CSMD2: variants seen among roughly 807,000 people sequenced by gnomAD.
The protein encoded by CSMD2 is CUB and Sushi multiple domains 2.
CSMD2 carries 130 observed loss-of-function variants against 398.5 expected under a neutral mutation model. That is an observed-to-expected ratio of 0.33 (90% CI 0.28 to 0.38). The LOEUF (loss-of-function observed/expected upper bound fraction) is 0.38. Among genes scored for constraint, CSMD2 ranks in the 10% least tolerant of loss-of-function variants. The probability of loss-of-function intolerance (pLI) is 1.00; values close to 1 mark genes in which losing one functional copy is unlikely to be tolerated. For synonymous variants in CSMD2, 1,828 were observed against 1,908.5 expected, an observed-to-expected ratio of 0.96 and a Z score of 1.10; for missense variants, 3,829 against 4,764.9, an observed-to-expected ratio of 0.80 and a Z score of 5.78.
Position 33,709,083 on chromosome 1 carries a change from T to C in CSMD2, c.3576+6A>G. On this transcript the variant is annotated splice_donor_region_variant and intron_variant, in intron 22 of 70. Transcript: ENST00000373381. ...ACACACATACTCTGAAATCGATCAA[T>C]TTTACCTTGAGGACATCTCCTTCGG... 6.2e-7 allele frequency: 1 copy of C among 1,608,786 alleles called. No homozygotes were observed. Among genetic ancestry groups the C allele is most frequent in the African/African-American group, 1.3e-5 (1 of 74,882 alleles).
At position 33,905,313 on chromosome 1, in the gene CSMD2, G is replaced by A. The variant is rs142001214; in HGVS notation, c.920+12781C>T. On this transcript the variant is annotated intron_variant, in intron 5 of 70. Coordinates refer to ENST00000373381, the MANE Select transcript of CSMD2 (RefSeq NM_001281956.2). ...CATAAAGGCTGGACAGAGAGTGGAC[G>A]TTGGAAGAAACAGCAAAACAGACTA... Among the ~76,000 whole-genome samples the A allele has an allele frequency of 3.9e-5, 6 of 152,286 alleles. No individual in the cohort carries two copies. The East Asian group carries it at 5.8e-4, about 15-fold the overall frequency.
At chr1:33,962,551 A>G (rs1264540352) in intron 3 of CSMD2, among the ~76,000 whole-genome samples, 1 of 152,180 alleles carries the variant, frequency 6.6e-6, no homozygotes, top group Non-Finnish European at 1.5e-5. Flanking sequence ...CTCTACTCCA[A>G]TGCCCCAACA....
chr1:33,823,327 C>G (rs1658382650), intron 7 of CSMD2, among the ~76,000 whole-genome samples: 1 of 152,140 alleles, frequency 6.6e-6, no homozygotes, highest in East Asian at 1.9e-4. Context: ...AGGAAACAAG[C>G]AAACTTAAAT....
At chr1:33,601,135 T>C in intron 43 of CSMD2, 125 bp from the exon 44 acceptor site, 1 of 1,242,962 alleles carries the variant, frequency 8.0e-7, no homozygotes, top group Non-Finnish European at 1.1e-6. Context: ...GTACCAACAC[T>C]TCCCCACACC....
At chr1:33,917,866 A>G (rs1643804500) in intron 5 of CSMD2, among the ~76,000 whole-genome samples, 1 of 152,240 alleles carries the variant, frequency 6.6e-6, no homozygotes, top group African/African-American at 2.4e-5. Flanking sequence ...AATCTTCAGC[A>G]AGAACATGTT....
intron 39 of CSMD2, among the ~76,000 whole-genome samples, chr1:33,615,282 C>T (rs1641310781): frequency 6.6e-6 from 1 of 152,122 alleles, no homozygotes; most frequent in East Asian, 1.9e-4. Flanking sequence ...GGCTGGGGCA[C>T]CCCTGCAGTC....
intron 12 of CSMD2, 72 bp from the exon 13 acceptor site, chr1:33,772,823 A>T: frequency 7.6e-7 from 1 of 1,316,252 alleles, no homozygotes; most frequent in Non-Finnish European, 1.1e-6. Flanking sequence ...GAAGGTCCAC[A>T]TGACAAGCTC....
intron 2 of CSMD2, among the ~76,000 whole-genome samples, chr1:34,067,925 C>A (rs1217836308): frequency 2.0e-5 from 3 of 152,178 alleles, no homozygotes; most frequent in Non-Finnish European, 2.9e-5. Context: ...ATTGGGGAGG[C>A]ACATCCCCAG....
At chr1:33,713,995 G>A (rs1571315046) in intron 21 of CSMD2, among the ~76,000 whole-genome samples, 1 of 152,146 alleles carries the variant, frequency 6.6e-6, no homozygotes, top group Non-Finnish European at 1.5e-5. Flanking sequence ...TCTCTGTTTT[G>A]TTCACCTTTG....
intron 64 of CSMD2, among the ~76,000 whole-genome samples, chr1:33,528,914 A>C (rs1655014088): frequency 6.6e-6 from 1 of 152,246 alleles, no homozygotes. Flanking sequence ...TCACATGTTC[A>C]TGGTTTGGAA....
At chr1:34,007,388 A>C (rs1488303763) in intron 3 of CSMD2, among the ~76,000 whole-genome samples, 1 of 152,212 alleles carries the variant, frequency 6.6e-6, no homozygotes, top group Non-Finnish European at 1.5e-5. Context: ...GGATATGGGC[A>C]ATCCCTCAAG....
intron 3 of CSMD2, among the ~76,000 whole-genome samples, chr1:33,978,740 C>A (rs779526315): frequency 2.0e-5 from 3 of 152,202 alleles, no homozygotes; most frequent in Non-Finnish European, 2.9e-5. Context: ...CTAGCCCTGG[C>A]ACAGACCCTT....
chr1:34,094,169 G>A (rs1056029435), intron 1 of CSMD2, among the ~76,000 whole-genome samples: 2 of 151,620 alleles, frequency 1.3e-5, no homozygotes, highest in African/African-American at 4.8e-5. Flanking sequence ...AGCTTCATAA[G>A]TGAAGGAGAA....
At chr1:33,542,568 T>C (rs907426566) in intron 58 of CSMD2, 152 bp downstream of exon 58, 12 of 626,516 alleles carry the variant, frequency 1.9e-5, no homozygotes, top group African/African-American at 1.5e-4. Flanking sequence ...ACATAGCATA[T>C]GCTCAACAGA....
At chr1:34,119,785 T>G (rs1661981012) in intron 1 of CSMD2, among the ~76,000 whole-genome samples, 2 of 152,206 alleles carry the variant, frequency 1.3e-5, no homozygotes, top group African/African-American at 4.8e-5. Context: ...TTGGTGAGGA[T>G]GTGCAGAAAC....
At chr1:33,763,283 G>A (rs1352935749) in intron 13 of CSMD2, among the ~76,000 whole-genome samples, 1 of 152,102 alleles carries the variant, frequency 6.6e-6, no homozygotes, top group East Asian at 1.9e-4. Context: ...CAAGCAACTG[G>A]CATACAGTAT....
At chr1:33,589,335 T>C (rs2148759134) in intron 44 of CSMD2, among the ~76,000 whole-genome samples, 2 of 152,284 alleles carry the variant, frequency 1.3e-5, no homozygotes, top group East Asian at 3.9e-4. Flanking sequence ...TATGGAGGGC[T>C]CACCCTGGGT....
intron 6 of CSMD2, among the ~76,000 whole-genome samples, chr1:33,833,961 T>C (rs1428674131): frequency 6.7e-6 from 1 of 149,904 alleles, no homozygotes; most frequent in Non-Finnish European, 1.5e-5. Flanking sequence ...AAGGAACTCT[T>C]CAAGGAGAAC....
intron 3 of CSMD2, among the ~76,000 whole-genome samples, chr1:33,984,280 G>C (rs540399610): frequency 6.6e-6 from 1 of 152,300 alleles, no homozygotes; most frequent in East Asian, 1.9e-4. Flanking sequence ...TCCTGATTTA[G>C]ACTAAGGCAG....
Sources: allele counts gnomAD v4.1 joint callset (sites outside exome capture counted in the v4.1 genomes callset), GRCh38; gene constraint gnomAD v4.1.1; transcripts MANE v1.5; gene names NCBI Gene and HGNC (gene_info 2026-07-23, HGNC 2026-07-21).